Variants in ARL14EPL observed in about 807,000 individuals in gnomAD.
ARL14EPL encodes the protein ARL14 effector protein-like.
A neutral mutation model predicts 15.9 loss-of-function variants in ARL14EPL; 17 were observed. The ratio of observed to expected loss-of-function variants is 1.07; its 90% CI spans 0.73 to 1.60. ARL14EPL has a LOEUF of 1.60. ARL14EPL is among the 40% of genes most tolerant of loss of function. ARL14EPL has a pLI of 0.00. For synonymous variants in ARL14EPL, 78 were observed against 63.8 expected, an observed-to-expected ratio of 1.22 and a Z score of -1.06; for missense variants, 214 against 185.9, an observed-to-expected ratio of 1.15 and a Z score of -0.88.
chr5:116,047,912 G>C (rs1580414195), intron 1 of ARL14EPL, among the ~76,000 whole-genome samples: 1 of 152,218 alleles, frequency 6.6e-6, no homozygotes, highest in Non-Finnish European at 1.5e-5. Flanking sequence ...GAATGGGGCT[G>C]AGAGATAAGA....
At position 116,051,786 on chromosome 5, in the gene ARL14EPL, C is replaced by T; in HGVS notation, c.96+225C>T. The T allele has an allele frequency of 5.4e-6, 4 of 746,064 alleles. No homozygotes were observed. The South Asian group carries it at 5.9e-5, about 11-fold the overall frequency. 46.2% of individuals were successfully genotyped at this position (746,064 alleles called of 1,614,324 possible). A position where few individuals can be genotyped will look rare whatever the true frequency, so the allele number is the denominator to read the frequency against. ...CCTCCTGTGTACCCTGATTTTTAGC[C>T]CAGTGTTCTGTACAATAAAATTCTG... On this transcript the variant is annotated intron_variant, in intron 2 of 3. Coordinates refer to ENST00000686077, the MANE Select transcript of ARL14EPL (RefSeq NM_001195581.2).
At chr5:116,054,874 A>T (rs1458994959) in intron 3 of ARL14EPL, among the ~76,000 whole-genome samples, 1 of 149,526 alleles carries the variant, frequency 6.7e-6, no homozygotes, top group Middle Eastern at 3.4e-3. Flanking sequence ...ATAATAAACT[A>T]AGAAAACTAT....
At chr5:116,044,483 G>A (rs556367311) in intron 1 of ARL14EPL, among the ~76,000 whole-genome samples, 22 of 132,290 alleles carry the variant, frequency 1.7e-4, no homozygotes, top group Admixed American at 9.8e-4. Flanking sequence ...ATATACGTGC[G>A]TGTGTATATA....
chr5:116,054,013 G>A lies in ARL14EPL; in HGVS notation c.97-1G>A. On this transcript the variant is annotated splice_acceptor_variant, in intron 2 of 3. Transcript: ENST00000686077. LOFTEE classifies it high-confidence loss of function. ...TATTAATACATTTATTTGTTTAATA[G>A]CAACAAATAGAGCGGCAGTTAAAAT... 2 of 1,530,772 alleles carry A rather than the reference G, an allele frequency of 1.3e-6. No homozygotes were observed. Among genetic ancestry groups the A allele is most frequent in the South Asian group, 1.2e-5 (1 of 82,980 alleles). 94.8% of individuals were successfully genotyped at this position (1,530,772 alleles called of 1,614,324 possible). A position where few individuals can be genotyped will look rare whatever the true frequency, so the allele number is the denominator to read the frequency against.
At chr5:116,034,310 GC>G (rs1749010419) in intron 1 of ARL14EPL, among the ~76,000 whole-genome samples, 1 of 152,162 alleles carries the variant, frequency 6.6e-6, no homozygotes. Context: ...TCCTGAGAAT[GC>G]CCCGTAACAG....
intron 1 of ARL14EPL, among the ~76,000 whole-genome samples, chr5:116,040,910 G>A (rs541514554): frequency 2.1e-5 from 3 of 141,578 alleles, no homozygotes; most frequent in Non-Finnish European, 3.0e-5. Context: ...GAACCCAGAG[G>A]TGGAGCTTGC....
chr5:116,051,731 G>A (rs939713573), intron 2 of ARL14EPL, among the ~76,000 whole-genome samples, 170 bp downstream of exon 2: 1 of 152,184 alleles, frequency 6.6e-6, no homozygotes, highest in African/African-American at 2.4e-5. Context: ...CTCACTGCGG[G>A]CTGCTCTCGC....
chr5:116,044,832 C>T (rs1325668985), intron 1 of ARL14EPL, among the ~76,000 whole-genome samples: 1 of 152,152 alleles, frequency 6.6e-6, no homozygotes. Flanking sequence ...CCTTTGAGGC[C>T]TTCTCATTTT....
At chr5:116,042,186 G>A (rs543414407) in intron 1 of ARL14EPL, among the ~76,000 whole-genome samples, 5 of 152,212 alleles carry the variant, frequency 3.3e-5, no homozygotes, top group African/African-American at 9.6e-5. Flanking sequence ...CCCTCCGCCC[G>A]CTCTGCCCCT....
In ARL14EPL at chr5:116,033,965, T is replaced by G. The variant is rs185096848; in HGVS notation, c.-10+1460T>G. Among the ~76,000 whole-genome samples the G allele has an allele frequency of 1.2e-3, 189 of 152,302 alleles. 2 individuals are homozygous for G. The highest frequency in any genetic ancestry group is 4.4e-3 in the African/African-American group (182 of 41,566). ...TAAAGGCTTCCTCACTTTCTTTGCT[T>G]TCTCTCACAAACAATGCCAAGCAAT... On this transcript the variant is annotated intron_variant, in intron 1 of 3. Transcript: ENST00000686077.
chr5:116,051,522 T>C lies in ARL14EPL; in HGVS notation c.57T>C (p.Ser19=), dbSNP rs1203298875. 6.5e-7 allele frequency: 1 copy of C among 1,535,530 alleles called. No individual in the cohort carries two copies. Among genetic ancestry groups the C allele is most frequent in the South Asian group, 1.2e-5 (1 of 84,014 alleles). ...NSIQERHTDH[S]FPEKNCQIGQ... ...TTCAAGAGAGACACACAGATCATAG[T>C]TTTCCTGAGAAGAACTGTCAAATTG... The change falls in exon 2 of 4, where the codon AGT becomes AGC. Residue 19 remains serine, a synonymous_variant. Coordinates refer to ENST00000686077, the MANE Select transcript of ARL14EPL (RefSeq NM_001195581.2).
chr5:116,056,751 G>C (rs1749527167), intron 3 of ARL14EPL, among the ~76,000 whole-genome samples: 2 of 152,110 alleles, frequency 1.3e-5, no homozygotes, highest in South Asian at 4.2e-4. Flanking sequence ...GTATTGCCTA[G>C]GTTTTCTTCT....
At chr5:116,058,661 T>G in intron 3 of ARL14EPL, 64 bp from the exon 4 acceptor site, 1 of 1,444,602 alleles carries the variant, frequency 6.9e-7, no homozygotes, top group Admixed American at 2.0e-5. Context: ...GATTGTACAT[T>G]AATTTATTCT....
chr5:116,043,099 T>C (rs1038308972), intron 1 of ARL14EPL, among the ~76,000 whole-genome samples: 2 of 152,132 alleles, frequency 1.3e-5, no homozygotes, highest in East Asian at 3.9e-4. Flanking sequence ...GATAAGCTTA[T>C]GAATTGTGTC....
chr5:116,039,014 AC>A (rs1749100239), intron 1 of ARL14EPL, among the ~76,000 whole-genome samples: 1 of 152,190 alleles, frequency 6.6e-6, no homozygotes, highest in South Asian at 2.1e-4. Context: ...AAATGCACAG[AC>A]AAACCGCCCT....
At chr5:116,036,154 G>A (rs1749046667) in intron 1 of ARL14EPL, among the ~76,000 whole-genome samples, 1 of 152,176 alleles carries the variant, frequency 6.6e-6, no homozygotes, top group South Asian at 2.1e-4. Context: ...CAACACGTGG[G>A]GAAATAGGGG....
At chr5:116,058,090 A>G (rs945680331) in intron 3 of ARL14EPL, among the ~76,000 whole-genome samples, 9 of 152,218 alleles carry the variant, frequency 5.9e-5, no homozygotes, top group African/African-American at 1.9e-4. Context: ...ACCTTCAGTC[A>G]GAGCTTACGA....
At chr5:116,036,676 T>C (rs552916879) in intron 1 of ARL14EPL, among the ~76,000 whole-genome samples, 69 of 152,274 alleles carry the variant, frequency 4.5e-4, no homozygotes, top group African/African-American at 1.6e-3. Flanking sequence ...ATAAACTTCA[T>C]TTGCAAAAAT....
chr5:116,050,751 ACTC>A (rs1289816780), intron 1 of ARL14EPL, among the ~76,000 whole-genome samples: 1 of 144,758 alleles, frequency 6.9e-6, no homozygotes, highest in Non-Finnish European at 1.5e-5. Flanking sequence ...CTGGACTGTC[ACTC>A]ATGATTACCA....
Sources: allele counts gnomAD v4.1 joint callset (sites outside exome capture counted in the v4.1 genomes callset), GRCh38; gene constraint gnomAD v4.1.1; transcripts MANE v1.5; gene names NCBI Gene and HGNC (gene_info 2026-07-23, HGNC 2026-07-21).